Variants in SLC38A6 observed in about 807,000 individuals in gnomAD.
SLC38A6 encodes the protein solute carrier family 38 member 6.
A neutral mutation model predicts 65.0 loss-of-function variants in SLC38A6; 73 were observed. The observed-to-expected ratio is 1.12, with a 90% CI of 0.93 to 1.37. SLC38A6 has a LOEUF of 1.37. Ranked by LOEUF, SLC38A6 falls within the 40% of genes most tolerant of loss-of-function variation. The pLI, the probability that SLC38A6 is intolerant of heterozygous loss-of-function variation, is 0.00. For synonymous variants in SLC38A6, 183 were observed against 178.8 expected, an observed-to-expected ratio of 1.02 and a Z score of -0.19; for missense variants, 561 against 531.1, an observed-to-expected ratio of 1.06 and a Z score of -0.55.
chr14:61,019,633 C>T (rs1024412507), intron 5 of SLC38A6, 53 bp downstream of exon 5: 2 of 1,551,334 alleles, frequency 1.3e-6, no homozygotes, highest in Non-Finnish European at 1.8e-6. Flanking sequence ...CAATAATGTC[C>T]TTTGAATTGT....
intron 3 of SLC38A6, among the ~76,000 whole-genome samples, chr14:60,998,219 C>A (rs2038430268): frequency 6.6e-6 from 1 of 151,850 alleles, no homozygotes; most frequent in South Asian, 2.1e-4. Flanking sequence ...CCTGGAAACC[C>A]ATGGCCCTAA....
chr14:61,008,966 TC>T (rs924307103), intron 3 of SLC38A6, among the ~76,000 whole-genome samples: 19 of 152,204 alleles, frequency 1.2e-4, no homozygotes, highest in African/African-American at 4.3e-4. Flanking sequence ...GAGTAATTGT[TC>T]CATTTGAATT....
At chr14:61,067,365 A>T (rs1408789027) in intron 15 of SLC38A6, among the ~76,000 whole-genome samples, 1 of 152,128 alleles carries the variant, frequency 6.6e-6, no homozygotes, top group Admixed American at 6.5e-5. Context: ...AAATCACATA[A>T]CTTCCAACCA....
chr14:61,018,061 T>C (rs1202697444), intron 4 of SLC38A6, among the ~76,000 whole-genome samples: 1 of 152,190 alleles, frequency 6.6e-6, no homozygotes, highest in Non-Finnish European at 1.5e-5. Context: ...GTGCTAGGCA[T>C]TAAAAATATA....
chr14:61,074,561 C>G, intron 15 of SLC38A6, among the ~76,000 whole-genome samples: 1 of 152,128 alleles, frequency 6.6e-6, no homozygotes, highest in Non-Finnish European at 1.5e-5. Flanking sequence ...TAATCTAACC[C>G]TGATTATCTC....
At chr14:61,016,105 G>A (rs998711948) in intron 4 of SLC38A6, 149 bp downstream of exon 4, 22 of 521,974 alleles carry the variant, frequency 4.2e-5, no homozygotes, top group Admixed American at 3.7e-4. Flanking sequence ...ATAGGAGCAG[G>A]CAAAGAAAGA....
chr14:61,083,615 G>A, exon 17 of SLC38A6: 1 of 1,550,514 alleles, frequency 6.4e-7, no homozygotes, highest in South Asian at 1.2e-5. Flanking sequence ...CAGCAAGAAG[G>A]CAACTGTTTA....
At chr14:60,994,590 G>C (rs1348676444) in intron 3 of SLC38A6, among the ~76,000 whole-genome samples, 1 of 151,952 alleles carries the variant, frequency 6.6e-6, no homozygotes, top group African/African-American at 2.4e-5. Context: ...TGTAATCCCA[G>C]CTAGTTGGGA....
intron 3 of SLC38A6, among the ~76,000 whole-genome samples, chr14:60,988,952 A>G (rs1221078828): frequency 6.6e-6 from 1 of 152,230 alleles, no homozygotes; most frequent in Non-Finnish European, 1.5e-5. Context: ...CTATGATGCT[A>G]TCACACAATT....
At chr14:61,004,923 A>T (rs1411539313) in intron 3 of SLC38A6, among the ~76,000 whole-genome samples, 1 of 152,196 alleles carries the variant, frequency 6.6e-6, no homozygotes, top group Non-Finnish European at 1.5e-5. Context: ...ATGAACATGG[A>T]TGCAAAAATC....
chr14:61,062,339 A>C (rs1447343567), intron 15 of SLC38A6, among the ~76,000 whole-genome samples: 1 of 152,130 alleles, frequency 6.6e-6, no homozygotes, highest in Non-Finnish European at 1.5e-5. Flanking sequence ...TGGTGGTGTC[A>C]GTGTTTTAGA....
At chr14:61,079,324 G>A (rs1054227649) in intron 16 of SLC38A6, among the ~76,000 whole-genome samples, 6 of 151,116 alleles carry the variant, frequency 4.0e-5, no homozygotes, top group South Asian at 2.1e-4. Context: ...TTTATTAGAG[G>A]CGGGGTTTCA....
chr14:61,006,011 A>C (rs1189074536), intron 3 of SLC38A6, among the ~76,000 whole-genome samples: 1 of 151,944 alleles, frequency 6.6e-6, no homozygotes, highest in Non-Finnish European at 1.5e-5. Flanking sequence ...CAGAGCCCTC[A>C]GAAATAATGC....
intron 3 of SLC38A6, among the ~76,000 whole-genome samples, chr14:60,994,535 A>T (rs2038134091): frequency 6.6e-6 from 1 of 151,548 alleles, no homozygotes; most frequent in Non-Finnish European, 1.5e-5. Context: ...ACAAGAGCAA[A>T]ACTCCGTCTC....
intron 5 of SLC38A6, 60 bp from the exon 6 acceptor site, chr14:61,030,385 A>G (rs1325380081): frequency 7.0e-6 from 9 of 1,286,930 alleles, no homozygotes; most frequent in Non-Finnish European, 9.9e-6. Flanking sequence ...TAGATGGATT[A>G]TTGTTTAAAT....
intron 12 of SLC38A6, among the ~76,000 whole-genome samples, chr14:61,049,323 C>G (rs989236249): frequency 3.3e-5 from 5 of 152,164 alleles, no homozygotes; most frequent in East Asian, 1.9e-4. Context: ...TACTAGACCA[C>G]TTATTTTCTC....
At chr14:61,044,446 A>G (rs1467909055) in intron 10 of SLC38A6, among the ~76,000 whole-genome samples, 1 of 152,188 alleles carries the variant, frequency 6.6e-6, no homozygotes, top group Non-Finnish European at 1.5e-5. Flanking sequence ...GAAATGGAGA[A>G]TTTGTGAATT....
At chr14:61,029,988 G>A (rs2040854087) in intron 5 of SLC38A6, among the ~76,000 whole-genome samples, 1 of 152,066 alleles carries the variant, frequency 6.6e-6, no homozygotes, top group Admixed American at 6.6e-5. Context: ...TTGTGGGGAG[G>A]CATCTTTCTC....
downstream of SLC38A6, among the ~76,000 whole-genome samples, chr14:61,057,027 G>A: frequency 8.3e-6 from 1 of 120,276 alleles, no homozygotes; most frequent in South Asian, 3.0e-4. Context: ...GGGCTGAGAC[G>A]ATGGGGTTTT....
Sources: allele counts gnomAD v4.1 joint callset (sites outside exome capture counted in the v4.1 genomes callset), GRCh38; gene constraint gnomAD v4.1.1; transcripts MANE v1.5; gene names NCBI Gene and HGNC (gene_info 2026-07-23, HGNC 2026-07-21).